The following PTPRG variants were observed in gnomAD, a reference collection of about 807,000 sequenced individuals.
The protein encoded by PTPRG is receptor-type tyrosine-protein phosphatase gamma.
In PTPRG, 102 loss-of-function variants were observed where a neutral mutation model predicts 165.3. That is an observed-to-expected ratio of 0.62 (90% CI 0.53 to 0.73). The LOEUF (loss-of-function observed/expected upper bound fraction) is 0.73. Among genes scored for constraint, PTPRG ranks in the 30% least tolerant of loss-of-function variants. The probability of loss-of-function intolerance (pLI) is 0.00; values close to 1 mark genes in which losing one functional copy is unlikely to be tolerated. For synonymous variants in PTPRG, 675 were observed against 669.5 expected (o/e 1.01, Z -0.13); for missense variants, 1,866 against 1,861.4 (o/e 1.00, Z -0.05).
intron 2 of PTPRG, among the ~76,000 whole-genome samples, chr3:61,885,529 C>T (rs2107481690): frequency 6.6e-6 from 1 of 151,360 alleles, no homozygotes; most frequent in East Asian, 2.0e-4. Flanking sequence ...AATATGTTTA[C>T]ACCAATTGCA....
chr3:61,595,652 G>T (rs571001626), intron 1 of PTPRG, among the ~76,000 whole-genome samples: 1 of 152,300 alleles, frequency 6.6e-6, no homozygotes, highest in South Asian at 2.1e-4. Context: ...TTATATACTT[G>T]ACACAGCATC....
chr3:61,705,015 C>T (rs1400491850), intron 1 of PTPRG, among the ~76,000 whole-genome samples: 2 of 152,180 alleles, frequency 1.3e-5, no homozygotes, highest in Non-Finnish European at 2.9e-5. Context: ...CAGGCAGCTC[C>T]TGGGAGAACC....
intron 1 of PTPRG, among the ~76,000 whole-genome samples, chr3:61,616,383 CTGTT>C (rs1701297256): frequency 6.6e-6 from 1 of 152,220 alleles, no homozygotes; most frequent in Admixed American, 6.5e-5. Flanking sequence ...ATCTGTATGT[CTGTT>C]AACATTCACA....
rs143275897 is a variant in PTPRG at position 62,160,339 on chromosome 3, A to G, written c.840+3115A>G. ...TCAAGTCAGCCCTGCCAGCCTGTGCACTTGTACCTCTGGCTTGTGTGATAA... is the reference window on the plus strand; with the variant it reads ...TCAAGTCAGCCCTGCCAGCCTGTGCGCTTGTACCTCTGGCTTGTGTGATAA... On this transcript the variant is annotated intron_variant, in intron 7 of 29. Coordinates refer to ENST00000474889, the MANE Select transcript of PTPRG (RefSeq NM_002841.4). 5.1e-3 allele frequency among the ~76,000 whole-genome samples: 771 copies of G among 152,312 alleles called. 6 individuals carry two copies. Among genetic ancestry groups the G allele is most frequent in the African/African-American group, 0.018 (742 of 41,570 alleles).
intron 2 of PTPRG, among the ~76,000 whole-genome samples, chr3:61,840,444 C>A (rs902075259): frequency 6.6e-6 from 1 of 151,976 alleles, no homozygotes; most frequent in Non-Finnish European, 1.5e-5. Context: ...TGTTTTAGGG[C>A]AAAAAACTTA....
At chr3:61,782,319 G>T (rs1339600816) in intron 2 of PTPRG, among the ~76,000 whole-genome samples, 1 of 152,110 alleles carries the variant, frequency 6.6e-6, no homozygotes, top group Non-Finnish European at 1.5e-5. Flanking sequence ...TATTTTCCAA[G>T]GTATCACTTG....
At chr3:61,991,618 G>T (rs1238880463) in intron 3 of PTPRG, among the ~76,000 whole-genome samples, 1 of 152,194 alleles carries the variant, frequency 6.6e-6, no homozygotes. Flanking sequence ...TAAATATGGT[G>T]TTCTTAGGAT....
intron 4 of PTPRG, among the ~76,000 whole-genome samples, chr3:62,052,662 T>G (rs1236308852): frequency 1.3e-5 from 2 of 151,908 alleles, no homozygotes; most frequent in African/African-American, 4.8e-5. Flanking sequence ...ACCACTGCAC[T>G]CCAGCCTGGG....
chr3:62,083,270 T>C (rs1269990632), intron 5 of PTPRG, among the ~76,000 whole-genome samples: 3 of 151,460 alleles, frequency 2.0e-5, no homozygotes, highest in African/African-American at 2.4e-5. Flanking sequence ...TTTTTTTTTT[T>C]CTTCCTTTTT....
At chr3:61,658,546 T>G (rs533253900) in intron 1 of PTPRG, among the ~76,000 whole-genome samples, 6 of 152,256 alleles carry the variant, frequency 3.9e-5, no homozygotes, top group Non-Finnish European at 8.8e-5. Flanking sequence ...TCCCTGGTGT[T>G]TTATTCTCCC....
chr3:62,281,260 C>CT (rs1003696653), intron 26 of PTPRG, among the ~76,000 whole-genome samples: 1 of 151,976 alleles, frequency 6.6e-6, no homozygotes, highest in African/African-American at 2.4e-5. Context: ...ATCCTGCTTT[C>CT]TTTTTTACTA....
chr3:61,587,534 T>C (rs1409092540), intron 1 of PTPRG, among the ~76,000 whole-genome samples: 1 of 152,224 alleles, frequency 6.6e-6, no homozygotes, highest in Admixed American at 6.5e-5. Context: ...GTCATCAACA[T>C]CAGAAAACCA....
intron 1 of PTPRG, among the ~76,000 whole-genome samples, chr3:61,570,077 C>G (rs541529790): frequency 6.6e-6 from 1 of 152,256 alleles, no homozygotes; most frequent in Non-Finnish European, 1.5e-5. Flanking sequence ...TTACTCATTA[C>G]TGGGATTCAA....
intron 2 of PTPRG, among the ~76,000 whole-genome samples, chr3:61,926,986 A>G (rs916464711): frequency 3.9e-5 from 6 of 152,110 alleles, no homozygotes; most frequent in Non-Finnish European, 8.8e-5. Flanking sequence ...ATGACAGGAC[A>G]TTTCTTGTCT....
intron 6 of PTPRG, among the ~76,000 whole-genome samples, chr3:62,139,704 C>G (rs57724170): frequency 6.6e-6 from 1 of 152,174 alleles, no homozygotes; most frequent in South Asian, 2.1e-4. Flanking sequence ...ATGACAAGAT[C>G]AAAACTTTTC....
chr3:61,600,188 A>ATGTG (rs1372886923), intron 1 of PTPRG, among the ~76,000 whole-genome samples: 16 of 133,322 alleles, frequency 1.2e-4, no homozygotes, highest in Middle Eastern at 3.9e-3. Flanking sequence ...ATATATATAT[A>ATGTG]TATATGTGTG....
chr3:62,144,134 G>A (rs553965301), intron 6 of PTPRG, among the ~76,000 whole-genome samples: 11 of 152,206 alleles, frequency 7.2e-5, no homozygotes, highest in African/African-American at 2.2e-4. Context: ...TTGAGTAGCC[G>A]TGACAGACGC....
At chr3:62,246,382 G>C (rs963676696) in intron 15 of PTPRG, among the ~76,000 whole-genome samples, 5 of 152,116 alleles carry the variant, frequency 3.3e-5, no homozygotes, top group African/African-American at 1.2e-4. Context: ...CCTTAACTGA[G>C]AGTTACCCTA....
At chr3:62,037,406 G>A (rs1244132831) in intron 4 of PTPRG, among the ~76,000 whole-genome samples, 2 of 152,064 alleles carry the variant, frequency 1.3e-5, no homozygotes, top group African/African-American at 4.8e-5. Context: ...TGCATTATAG[G>A]ATGTTTAGCA....
Sources: gnomAD v4.1 joint callset for allele counts (sites outside exome capture counted in the v4.1 genomes callset) on GRCh38, gnomAD v4.1.1 for gene constraint, MANE v1.5 for transcripts, NCBI Gene and HGNC (gene_info 2026-07-23, HGNC 2026-07-21) for gene names.